SLC30A9: variants seen among roughly 807,000 people sequenced by gnomAD.
SLC30A9 encodes solute carrier family 30 member 9.
Under a neutral mutation model 87.5 loss-of-function variants are expected in SLC30A9, and 58 were observed. That is an observed-to-expected ratio of 0.66 (90% CI 0.54 to 0.82). SLC30A9 has a LOEUF of 0.82. SLC30A9 is among the 40% of genes least tolerant of loss of function. The pLI, the probability that SLC30A9 is intolerant of heterozygous loss-of-function variation, is 0.00. For missense variants in SLC30A9, 557 were observed against 679.1 expected (o/e 0.82, Z 2.00); for synonymous variants, 234 against 233.0 (o/e 1.00, Z -0.04).
rs1436347890 is a variant in SLC30A9 at position 42,059,471 on chromosome 4, G to A, written c.841-720G>A. Among the ~76,000 whole-genome samples the A allele has an allele frequency of 2.0e-5, 3 of 151,920 alleles. No individual in the cohort carries two copies. In the East Asian group the frequency reaches 5.8e-4, roughly 29 times the overall value. On this transcript the variant is annotated intron_variant, in intron 9 of 17. Transcript: ENST00000264451. ...AAAGAAAGAAGGAAGAAATGATGAA[G>A]GCAAGTGAGACAGAGGAGAGGCAGT...
intron 4 of SLC30A9, among the ~76,000 whole-genome samples, chr4:42,021,750 TTTTG>T (rs1715956104): frequency 6.6e-6 from 1 of 152,126 alleles, no homozygotes; most frequent in Admixed American, 6.5e-5. Flanking sequence ...TTTTCGTTTT[TTTTG>T]TTTGTTTTTT....
intron 17 of SLC30A9, among the ~76,000 whole-genome samples, chr4:42,083,289 C>T (rs945774707): frequency 3.9e-5 from 6 of 152,138 alleles, no homozygotes; most frequent in African/African-American, 1.4e-4. Flanking sequence ...GGAATAAAAT[C>T]CTCATGGTGT....
At chr4:42,045,594 A>G (rs1717116435) in intron 8 of SLC30A9, among the ~76,000 whole-genome samples, 1 of 151,950 alleles carries the variant, frequency 6.6e-6, no homozygotes, top group Non-Finnish European at 1.5e-5. Flanking sequence ...TAAAAAAAAA[A>G]AAAAAAGCCC....
intron 9 of SLC30A9, among the ~76,000 whole-genome samples, chr4:42,053,766 G>A (rs1717486351): frequency 7.0e-6 from 1 of 142,846 alleles, no homozygotes; most frequent in African/African-American, 2.7e-5. Flanking sequence ...TGAAAAAATT[G>A]GAATCAACCC....
At chr4:42,024,744 C>T (rs1716114226) in intron 6 of SLC30A9, among the ~76,000 whole-genome samples, 1 of 152,148 alleles carries the variant, frequency 6.6e-6, no homozygotes, top group South Asian at 2.1e-4. Flanking sequence ...AAGATTTTAA[C>T]TTTTTTGTGT....
At chr4:42,039,804 T>C (rs1295077340) in intron 8 of SLC30A9, among the ~76,000 whole-genome samples, 1 of 152,134 alleles carries the variant, frequency 6.6e-6, no homozygotes. Flanking sequence ...TCCTATTGTT[T>C]TGTTCACCTT....
chr4:42,011,688 G>A (rs1715452499), intron 2 of SLC30A9, among the ~76,000 whole-genome samples: 2 of 152,180 alleles, frequency 1.3e-5, no homozygotes. Context: ...ATTAATTCCA[G>A]TTGAAGCTAA....
intron 1 of SLC30A9, among the ~76,000 whole-genome samples, chr4:41,999,547 A>G (rs1431533145): frequency 2.0e-5 from 3 of 152,198 alleles, no homozygotes; most frequent in Admixed American, 1.3e-4. Context: ...CTTTACAGCC[A>G]TTGATTTATA....
intron 14 of SLC30A9, among the ~76,000 whole-genome samples, chr4:42,069,217 C>A (rs1718204581): frequency 6.6e-6 from 1 of 152,030 alleles, no homozygotes; most frequent in South Asian, 2.1e-4. Flanking sequence ...AATTTATTTT[C>A]TTTTACATAA....
chr4:42,048,816 T>C (rs1577707837), intron 8 of SLC30A9, among the ~76,000 whole-genome samples: 1 of 152,224 alleles, frequency 6.6e-6, no homozygotes, highest in Admixed American at 6.5e-5. Flanking sequence ...TTCTCACCAG[T>C]TTTCAAAATA....
chr4:42,073,531 T>A (rs1718400404), intron 15 of SLC30A9, among the ~76,000 whole-genome samples: 1 of 152,222 alleles, frequency 6.6e-6, no homozygotes, highest in Non-Finnish European at 1.5e-5. Context: ...TCTTACAGTT[T>A]CTGTGAGTCA....
At chr4:42,014,715 A>G (rs1414713895) in intron 2 of SLC30A9, among the ~76,000 whole-genome samples, 2 of 152,234 alleles carry the variant, frequency 1.3e-5, no homozygotes, top group Non-Finnish European at 2.9e-5. Context: ...ATGGAGTATT[A>G]TTTAAGCATA....
At chr4:41,998,612 C>T (rs1235558955) in intron 1 of SLC30A9, among the ~76,000 whole-genome samples, 2 of 152,028 alleles carry the variant, frequency 1.3e-5, no homozygotes, top group Non-Finnish European at 2.9e-5. Flanking sequence ...TATAGGCGCC[C>T]ACCGCCACGT....
intron 1 of SLC30A9, among the ~76,000 whole-genome samples, chr4:41,999,790 A>G (rs932493922): frequency 6.6e-6 from 1 of 152,164 alleles, no homozygotes; most frequent in Non-Finnish European, 1.5e-5. Context: ...CTGGAAAAAA[A>G]TTGTAACATT....
At chr4:42,062,057 G>A (rs1717877492) in intron 10 of SLC30A9, among the ~76,000 whole-genome samples, 1 of 151,914 alleles carries the variant, frequency 6.6e-6, no homozygotes, top group Non-Finnish European at 1.5e-5. Flanking sequence ...AGCTGGGTGT[G>A]GTGGTGCATG....
chr4:42,009,163 T>C (rs1715338139), intron 2 of SLC30A9, among the ~76,000 whole-genome samples: 1 of 152,240 alleles, frequency 6.6e-6, no homozygotes, highest in Non-Finnish European at 1.5e-5. Context: ...GTTTCTTTTT[T>C]CTCTGCTGAC....
chr4:42,084,337 C>T lies in SLC30A9; in HGVS notation c.1663-1745C>T, dbSNP rs555181597. Among the ~76,000 whole-genome samples the T allele has an allele frequency of 6.6e-5, 10 of 152,274 alleles. No homozygotes were observed. In the East Asian group the frequency reaches 9.6e-4, roughly 15 times the overall value. ...TCTTGATTTAACAGTATTTCCTCTA[C>T]GATAGGTGTAGATTTAGTTCTTTTA... On this transcript the variant is annotated intron_variant, in intron 17 of 17. Transcript: ENST00000264451.
chr4:42,032,280 T>A (rs1716479325), intron 6 of SLC30A9, among the ~76,000 whole-genome samples: 1 of 151,520 alleles, frequency 6.6e-6, no homozygotes, highest in African/African-American at 2.4e-5. Flanking sequence ...GGGACACAGG[T>A]CCAAACCATG....
At chr4:42,058,649 C>T (rs1269237063) in intron 9 of SLC30A9, among the ~76,000 whole-genome samples, 6 of 152,192 alleles carry the variant, frequency 3.9e-5, no homozygotes, top group Non-Finnish European at 8.8e-5. Flanking sequence ...GCTAGGGAAG[C>T]CTCACAATCA....
Sources: gnomAD v4.1 joint callset for allele counts (sites outside exome capture counted in the v4.1 genomes callset) on GRCh38, gnomAD v4.1.1 for gene constraint, MANE v1.5 for transcripts, NCBI Gene and HGNC (gene_info 2026-07-23, HGNC 2026-07-21) for gene names.